Variants in PPP1R12B observed in about 807,000 individuals in gnomAD.
PPP1R12B encodes myosin phosphatase target subunit 2.
In PPP1R12B, 76 loss-of-function variants were observed where a neutral mutation model predicts 126.1. The ratio of observed to expected loss-of-function variants is 0.60; its 90% CI spans 0.50 to 0.73. The LOEUF (loss-of-function observed/expected upper bound fraction) is 0.73, where lower values mean the gene tolerates loss of function less well. Among genes scored for constraint, PPP1R12B ranks in the 30% least tolerant of loss-of-function variants. The probability of loss-of-function intolerance (pLI) is 0.00; values close to 1 mark genes in which losing one functional copy is unlikely to be tolerated. For synonymous variants in PPP1R12B, 356 were observed against 434.7 expected, an observed-to-expected ratio of 0.82 and a Z score of 2.25; for missense variants, 1,052 against 1,205.1, an observed-to-expected ratio of 0.87 and a Z score of 1.88.
intron 1 of PPP1R12B, among the ~76,000 whole-genome samples, chr1:202,412,431 C>T (rs1667516691): frequency 6.6e-6 from 1 of 152,216 alleles, no homozygotes; most frequent in African/African-American, 2.4e-5. Context: ...GACAAGTTTT[C>T]TCCCGTTTGA....
At chr1:202,507,477 A>C (rs1459700063) in intron 18 of PPP1R12B, among the ~76,000 whole-genome samples, 4 of 152,210 alleles carry the variant, frequency 2.6e-5, no homozygotes. Context: ...GGATTGTTTC[A>C]GCTATGAAAG....
At chr1:202,385,161 TA>T (rs1458224275) in intron 1 of PPP1R12B, among the ~76,000 whole-genome samples, 1 of 152,244 alleles carries the variant, frequency 6.6e-6, no homozygotes, top group Non-Finnish European at 1.5e-5. Context: ...ATATAAGGTT[TA>T]TGAAAATCAG....
chr1:202,469,719 G>T (rs1675577866), intron 13 of PPP1R12B, among the ~76,000 whole-genome samples: 1 of 152,176 alleles, frequency 6.6e-6, no homozygotes, highest in Non-Finnish European at 1.5e-5. Context: ...CCGAGTCTTA[G>T]AGGAATTTGA....
At chr1:202,355,881 C>A (rs1428534874) in intron 1 of PPP1R12B, among the ~76,000 whole-genome samples, 1 of 152,114 alleles carries the variant, frequency 6.6e-6, no homozygotes, top group African/African-American at 2.4e-5. Context: ...TAGAAATCTC[C>A]TATAGGTGTT....
At chr1:202,446,033 G>A (rs1432928676) in intron 12 of PPP1R12B, among the ~76,000 whole-genome samples, 1 of 151,828 alleles carries the variant, frequency 6.6e-6, no homozygotes, top group Non-Finnish European at 1.5e-5. Flanking sequence ...CCTAAAATAA[G>A]CGGTAATCAT....
chr1:202,526,533 T>C (rs1046563895), intron 18 of PPP1R12B, among the ~76,000 whole-genome samples: 3 of 152,088 alleles, frequency 2.0e-5, no homozygotes, highest in African/African-American at 7.2e-5. Flanking sequence ...AACAAGGTTA[T>C]AGTTTTGCCA....
chr1:202,402,454 G>T (rs1161058886), intron 1 of PPP1R12B, among the ~76,000 whole-genome samples: 2 of 152,160 alleles, frequency 1.3e-5, no homozygotes, highest in Non-Finnish European at 2.9e-5. Flanking sequence ...ATGTTTTGTT[G>T]TATCATTATG....
chr1:202,375,364 G>T (rs1353036688), intron 1 of PPP1R12B, among the ~76,000 whole-genome samples: 1 of 152,134 alleles, frequency 6.6e-6, no homozygotes, highest in Non-Finnish European at 1.5e-5. Context: ...TCCCGTTTTT[G>T]AATTCTATGC....
intron 1 of PPP1R12B, among the ~76,000 whole-genome samples, chr1:202,400,045 A>G (rs536382878): frequency 6.6e-6 from 1 of 151,700 alleles, no homozygotes; most frequent in East Asian, 1.9e-4. Flanking sequence ...CCCAGTGTCT[A>G]CTGTTGCCAT....
At chr1:202,517,884 C>T (rs765391101) in intron 18 of PPP1R12B, among the ~76,000 whole-genome samples, 31 of 152,076 alleles carry the variant, frequency 2.0e-4, no homozygotes, top group Non-Finnish European at 3.2e-4. Flanking sequence ...CGTCAGCCTC[C>T]GAAAGTGCTG....
At chr1:202,578,709 A>G (rs1689317299) in intron 23 of PPP1R12B, among the ~76,000 whole-genome samples, 1 of 152,254 alleles carries the variant, frequency 6.6e-6, no homozygotes, top group Non-Finnish European at 1.5e-5. Context: ...ATGTATGTCA[A>G]CACACTTCCA....
chr1:202,382,569 T>C (rs1368569856), intron 1 of PPP1R12B, among the ~76,000 whole-genome samples: 1 of 151,502 alleles, frequency 6.6e-6, no homozygotes, highest in Non-Finnish European at 1.5e-5. Flanking sequence ...ATGAATTTCT[T>C]TGAGAGCTTT....
At chr1:202,407,760 G>A (rs1042167296) in intron 1 of PPP1R12B, among the ~76,000 whole-genome samples, 6 of 152,252 alleles carry the variant, frequency 3.9e-5, no homozygotes, top group African/African-American at 7.2e-5. Flanking sequence ...CTGTAGTGAC[G>A]ATCTCCTGAT....
chr1:202,551,140 TA>T (rs1686274456), intron 18 of PPP1R12B, among the ~76,000 whole-genome samples: 1 of 152,362 alleles, frequency 6.6e-6, no homozygotes, highest in African/African-American at 2.4e-5. Flanking sequence ...ATATCATTTT[TA>T]CATGCCTTAA....
At chr1:202,580,364 C>A (rs1689475722) in intron 23 of PPP1R12B, 110 bp from the exon 24 acceptor site, 5 of 747,712 alleles carry the variant, frequency 6.7e-6, no homozygotes, top group South Asian at 6.2e-5. Flanking sequence ...GAGTTTATTC[C>A]ACACATTGTC....
At position 202,583,087 on chromosome 1, in the gene PPP1R12B, G is replaced by A. The variant is rs1689640145; in HGVS notation, c.*2527G>A. The A allele has an allele frequency of 6.6e-6, 1 of 152,142 alleles. No individual in the cohort carries two copies. Among genetic ancestry groups the A allele is most frequent in the Admixed American group, 6.5e-5 (1 of 15,272 alleles). 9.4% of individuals were successfully genotyped at this position (152,142 alleles called of 1,614,324 possible). A position where few individuals can be genotyped will look rare whatever the true frequency, so the allele number is the denominator to read the frequency against. On this transcript the variant is annotated 3_prime_UTR_variant, in exon 24 of 24. Coordinates refer to ENST00000608999, the MANE Select transcript of PPP1R12B (RefSeq NM_002481.4). Reference sequence around the variant, plus strand: ...TCAGTTCTCAGGGAATGCTAAATTAGAGTAATAAGTTTTATATCCTTCATT... The same window carrying A: ...TCAGTTCTCAGGGAATGCTAAATTAAAGTAATAAGTTTTATATCCTTCATT...
rs184320068 is a variant in PPP1R12B at position 202,359,288 on chromosome 1, G to A, written c.291+10146G>A. Among the ~76,000 whole-genome samples, 479 of 151,904 alleles carry A rather than the reference G, an allele frequency of 3.2e-3. 4 individuals carry two copies. Among genetic ancestry groups the A allele is most frequent in the Non-Finnish European group, 4.2e-3 (284 of 67,926 alleles). On this transcript the variant is annotated intron_variant, in intron 1 of 23. Transcript: ENST00000608999. ...TGGGATTAGAGGCATGTGCCCCCAC[G>A]CCCGGCTAATTTTGTATTTTTAGTA...
chr1:202,438,618 G>A, intron 10 of PPP1R12B: 1 of 504,112 alleles, frequency 2.0e-6, no homozygotes, highest in Non-Finnish European at 3.7e-6. Flanking sequence ...TGGAGCCTGA[G>A]CCCGCCCCGT....
intron 18 of PPP1R12B, among the ~76,000 whole-genome samples, chr1:202,548,808 C>CTCTCTATATATATA (rs1218548068): frequency 1.4e-5 from 1 of 72,970 alleles, no homozygotes; most frequent in East Asian, 4.9e-4. Context: ...CTCTCTCTCT[C>CTCTCTATATATATA]TATATATATA....
Sources: gnomAD v4.1 joint callset for allele counts (sites outside exome capture counted in the v4.1 genomes callset) on GRCh38, gnomAD v4.1.1 for gene constraint, MANE v1.5 for transcripts, NCBI Gene and HGNC (gene_info 2026-07-23, HGNC 2026-07-21) for gene names.